The following PTK2 variants were observed in gnomAD, a reference collection of about 807,000 sequenced individuals.
The protein encoded by PTK2 is focal adhesion kinase 1.
PTK2 carries 45 observed loss-of-function variants against 150.1 expected under a neutral mutation model. The ratio of observed to expected loss-of-function variants is 0.30; its 90% CI spans 0.24 to 0.38. The LOEUF (loss-of-function observed/expected upper bound fraction) is 0.38. Ranked by LOEUF, PTK2 falls within the 10% of genes least tolerant of loss-of-function variation. The pLI is 1.00. For synonymous variants in PTK2, 432 were observed against 449.2 expected, an observed-to-expected ratio of 0.96 and a Z score of 0.48; for missense variants, 919 against 1,307.3, an observed-to-expected ratio of 0.70 and a Z score of 4.58.
At chr8:140,847,673 GTCT>G (rs1038179502) in intron 5 of PTK2, among the ~76,000 whole-genome samples, 2 of 152,074 alleles carry the variant, frequency 1.3e-5, no homozygotes, top group Non-Finnish European at 2.9e-5. Context: ...GTGGAAATTT[GTCT>G]TCTTTCTTGT....
intron 3 of PTK2, among the ~76,000 whole-genome samples, chr8:140,879,945 G>A (rs1433764398): frequency 6.6e-6 from 1 of 152,042 alleles, no homozygotes; most frequent in Non-Finnish European, 1.5e-5. Flanking sequence ...ACACATTTCT[G>A]CAATTCCACT....
At chr8:140,781,931 G>A (rs764411136) in intron 14 of PTK2, among the ~76,000 whole-genome samples, 4 of 152,182 alleles carry the variant, frequency 2.6e-5, no homozygotes, top group Non-Finnish European at 4.4e-5. Context: ...GGGAGAGGGA[G>A]GGCTATCGGA....
chr8:140,702,860 G>C, intron 24 of PTK2, 153 bp from the exon 28 acceptor site: 3 of 906,184 alleles, frequency 3.3e-6, no homozygotes, highest in Non-Finnish European at 4.8e-6. Context: ...TTGAACATGT[G>C]AATATGTTTC....
chr8:140,769,493 C>T, intron 14 of PTK2, 82 bp downstream of exon 16: 1 of 983,654 alleles, frequency 1.0e-6, no homozygotes, highest in Non-Finnish European at 1.4e-6. Context: ...GCACATTTTG[C>T]CTTTCATTAA....
At chr8:140,782,306 G>T (rs1339373197) in intron 14 of PTK2, among the ~76,000 whole-genome samples, 6 of 151,664 alleles carry the variant, frequency 4.0e-5, no homozygotes, top group Non-Finnish European at 8.8e-5. Flanking sequence ...GTACAGTGGG[G>T]TGATCTCAGC....
At chr8:140,769,777 A>T (rs777498399) in intron 14 of PTK2, among the ~76,000 whole-genome samples, 185 bp from the exon 16 acceptor site, 1 of 152,244 alleles carries the variant, frequency 6.6e-6, no homozygotes, top group African/African-American at 2.4e-5. Flanking sequence ...CTGTAGTGGT[A>T]GTATGTTTAC....
At chr8:141,001,192 C>T (rs2100200132) in exon 1 of PTK2, 1 of 150,450 alleles carries the variant, frequency 6.6e-6, no homozygotes, top group Non-Finnish European at 1.5e-5. Flanking sequence ...CGACAGCAGC[C>T]GCGCTTCCTC....
At chr8:140,960,017 A>G (rs2100182563) in intron 1 of PTK2, among the ~76,000 whole-genome samples, 1 of 151,184 alleles carries the variant, frequency 6.6e-6, no homozygotes, top group Non-Finnish European at 1.5e-5. Flanking sequence ...TCTGTCTCAA[A>G]AAGAAAAAAA....
intron 8 of PTK2, among the ~76,000 whole-genome samples, chr8:140,825,586 T>C (rs532957779): frequency 3.3e-5 from 5 of 152,344 alleles, no homozygotes; most frequent in East Asian, 1.9e-4. Flanking sequence ...TGCTGCCTAA[T>C]TTAAGCTCAG....
intron 23 of PTK2, among the ~76,000 whole-genome samples, chr8:140,712,206 A>AAC (rs1554781201): frequency 2.0e-5 from 3 of 152,130 alleles, no homozygotes; most frequent in Non-Finnish European, 2.9e-5. Context: ...AAAAAAAAAA[A>AAC]ACCTACTTTT....
intron 26 of PTK2, among the ~76,000 whole-genome samples, chr8:140,697,136 G>GAAAAAA (rs1564577826): frequency 4.6e-5 from 2 of 43,326 alleles, no homozygotes; most frequent in Non-Finnish European, 4.1e-5. Context: ...CCTGTTTCCG[G>GAAAAAA]GAAAAAAAAA....
intron 27 of PTK2, among the ~76,000 whole-genome samples, chr8:140,681,103 G>T (rs989212082): frequency 6.6e-6 from 1 of 152,136 alleles, no homozygotes; most frequent in Non-Finnish European, 1.5e-5. Context: ...GGTTGCTCAC[G>T]CCTGTAATCC....
Position 140,770,656 on chromosome 8 carries a change from G to C in PTK2, c.1178-6366C>G. 4 of 860,712 alleles carry C rather than the reference G, an allele frequency of 4.6e-6. 1 individual carries two copies. In the South Asian group the frequency reaches 6.8e-5, roughly 15 times the overall value. The allele number at this position is 860,712 out of a possible 1,614,324, so 53.3% of individuals were successfully genotyped here. A position where few individuals can be genotyped will look rare whatever the true frequency, so the allele number is the denominator to read the frequency against. On this transcript the variant is annotated intron_variant, in intron 14 of 31. Transcript: ENST00000522684. ...GATAATCTATAAGCATCAGGTTAGA[G>C]TTAGTTTCTCTGGAGTGCTCTGGTT...
intron 5 of PTK2, among the ~76,000 whole-genome samples, chr8:140,848,466 T>C (rs2100127036): frequency 6.6e-6 from 1 of 152,164 alleles, no homozygotes; most frequent in Admixed American, 6.5e-5. Flanking sequence ...CATAAACGAA[T>C]GAACAAACAG....
chr8:140,800,590 G>T lies in PTK2; in HGVS notation c.976-14C>A. On this transcript the variant is annotated splice_polypyrimidine_tract_variant and intron_variant, in intron 11 of 31. Transcript: ENST00000522684. Reference sequence around the variant, plus strand: ...CACTGTCAGAGGCTAACGGAGAAAAGATCAAGAAAACAGACTTCATTGTTC... The same window carrying T: ...CACTGTCAGAGGCTAACGGAGAAAATATCAAGAAAACAGACTTCATTGTTC... The T allele has an allele frequency of 6.3e-7, 1 of 1,597,266 alleles. No individual in the cohort carries two copies. The highest frequency in any genetic ancestry group is 8.6e-7 in the Non-Finnish European group (1 of 1,165,400).
intron 22 of PTK2, chr8:140,734,630 C>T (rs756626000): frequency 9.0e-6 from 4 of 446,414 alleles, no homozygotes; most frequent in African/African-American, 2.0e-5. Context: ...GTACCTGGCA[C>T]AAAGTAGTAG....
intron 29 of PTK2, among the ~76,000 whole-genome samples, chr8:140,673,299 G>A (rs925553645): frequency 2.0e-5 from 3 of 151,850 alleles, no homozygotes; most frequent in South Asian, 2.1e-4. Context: ...TAGTAGAGAC[G>A]GGGTTTCACC....
At chr8:140,863,512 T>C (rs1190583271) in intron 5 of PTK2, among the ~76,000 whole-genome samples, 1 of 152,242 alleles carries the variant, frequency 6.6e-6, no homozygotes, top group Non-Finnish European at 1.5e-5. Flanking sequence ...CTATTTTAGC[T>C]AAGACTGCAC....
chr8:140,839,828 G>A (rs996525797), intron 7 of PTK2, among the ~76,000 whole-genome samples: 2 of 152,130 alleles, frequency 1.3e-5, no homozygotes, highest in Non-Finnish European at 2.9e-5. Context: ...GAATTGAGAA[G>A]TATGTCTTAT....
Sources: gnomAD v4.1 joint callset for allele counts (sites outside exome capture counted in the v4.1 genomes callset) on GRCh38, gnomAD v4.1.1 for gene constraint, MANE v1.5 for transcripts, NCBI Gene and HGNC (gene_info 2026-07-23, HGNC 2026-07-21) for gene names.